Variants in KHDRBS3 observed in about 807,000 individuals in gnomAD.
KHDRBS3 encodes KH RNA binding domain containing, signal transduction associated 3.
Under a neutral mutation model 45.6 loss-of-function variants are expected in KHDRBS3, and 23 were observed. The observed-to-expected ratio is 0.50, with a 90% CI of 0.36 to 0.72. The LOEUF is 0.72. Among genes scored for constraint, KHDRBS3 ranks in the 30% least tolerant of loss-of-function variants. KHDRBS3 has a pLI of 0.00. For missense variants in KHDRBS3, 352 were observed against 424.8 expected (o/e 0.83, Z 1.51); for synonymous variants, 162 against 156.5 (o/e 1.04, Z -0.26).
chr8:135,485,105 GT>G (rs1427255491), intron 1 of KHDRBS3, among the ~76,000 whole-genome samples: 1 of 152,098 alleles, frequency 6.6e-6, no homozygotes, highest in African/African-American at 2.4e-5. Context: ...ACTCAGTTCA[GT>G]TTTCTTCAGT....
chr8:135,603,521 G>C (rs1586789286), intron 6 of KHDRBS3, among the ~76,000 whole-genome samples: 1 of 152,144 alleles, frequency 6.6e-6, no homozygotes, highest in African/African-American at 2.4e-5. Context: ...ACTGTGGCTT[G>C]CAAATTGTGT....
chr8:135,461,727 A>G (rs1421992826), intron 1 of KHDRBS3, among the ~76,000 whole-genome samples: 1 of 152,224 alleles, frequency 6.6e-6, no homozygotes, highest in Non-Finnish European at 1.5e-5. Flanking sequence ...AGATTACATA[A>G]CACTGTATTT....
downstream of KHDRBS3, among the ~76,000 whole-genome samples, chr8:135,651,301 TTA>T (rs199522396): frequency 6.0e-5 from 9 of 149,414 alleles, 1 homozygote; most frequent in South Asian, 4.2e-4. Context: ...ATATATATAT[TTA>T]TATATATATA....
intron 1 of KHDRBS3, among the ~76,000 whole-genome samples, chr8:135,517,229 G>T (rs147252397): frequency 1.1e-3 from 161 of 152,294 alleles, no homozygotes; most frequent in African/African-American, 3.2e-3. Context: ...CTAGGAGATG[G>T]TATTGGTACC....
At chr8:135,494,273 ATTTTTTTTTTTT>A in intron 1 of KHDRBS3, among the ~76,000 whole-genome samples, 1 of 78,622 alleles carries the variant, frequency 1.3e-5, no homozygotes, top group Non-Finnish European at 2.2e-5. Flanking sequence ...TGTTTCTCTT[ATTTTTTTTTTTT>A]TTTTTTTTTT....
chr8:135,458,269 T>C (rs1821221781), intron 1 of KHDRBS3: 4 of 976,472 alleles, frequency 4.1e-6, no homozygotes, highest in Admixed American at 4.7e-5. Flanking sequence ...GGGGGCTTCG[T>C]TGGGAACGAG....
chr8:135,584,704 G>A (rs1828380449), intron 6 of KHDRBS3, among the ~76,000 whole-genome samples: 1 of 152,126 alleles, frequency 6.6e-6, no homozygotes, highest in African/African-American at 2.4e-5. Context: ...GCTTACAGTG[G>A]CTTGCCATCA....
At chr8:135,480,619 A>G (rs1033201160) in intron 1 of KHDRBS3, among the ~76,000 whole-genome samples, 2 of 152,148 alleles carry the variant, frequency 1.3e-5, no homozygotes, top group East Asian at 3.9e-4. Flanking sequence ...AATGCTTATT[A>G]TAGAAAAAAA....
intron 1 of KHDRBS3, among the ~76,000 whole-genome samples, chr8:135,478,506 C>G (rs1284568321): frequency 6.6e-6 from 1 of 152,150 alleles, no homozygotes; most frequent in East Asian, 1.9e-4. Context: ...GAATCTGCCC[C>G]CTGGTAACCA....
intron 6 of KHDRBS3, among the ~76,000 whole-genome samples, chr8:135,591,802 G>A (rs1026089040): frequency 1.3e-5 from 2 of 152,156 alleles, no homozygotes; most frequent in East Asian, 1.9e-4. Flanking sequence ...AGCTTTAATT[G>A]TGACTAGTTT....
chr8:135,644,466 C>A (rs1214108665), intron 7 of KHDRBS3, among the ~76,000 whole-genome samples: 1 of 152,168 alleles, frequency 6.6e-6, no homozygotes, highest in African/African-American at 2.4e-5. Context: ...GATGGTGATG[C>A]AACAGTGCCG....
intron 1 of KHDRBS3, among the ~76,000 whole-genome samples, chr8:135,475,604 A>G (rs1205163416): frequency 1.3e-5 from 2 of 152,006 alleles, no homozygotes; most frequent in Non-Finnish European, 1.5e-5. Context: ...GGGGGCCACC[A>G]CATCTGGCCT....
rs1264711912 is a variant in KHDRBS3 at position 135,457,519 on chromosome 8, G to C, written c.-348G>C. The C allele has an allele frequency of 6.8e-6, 1 of 147,010 alleles. No individual in the cohort carries two copies. Among genetic ancestry groups the C allele is most frequent in the Non-Finnish European group, 1.5e-5 (1 of 66,110 alleles). 9.1% of individuals were successfully genotyped at this position (147,010 alleles called of 1,614,324 possible). On this transcript the variant is annotated 5_prime_UTR_variant, in exon 1 of 9. Coordinates refer to ENST00000355849, the MANE Select transcript of KHDRBS3 (RefSeq NM_006558.3). The surrounding 1 kb of genome is among the most constrained non-coding windows in gnomAD (Gnocchi z 4.4). ...TGTGGCTCGGGTGCTGGCAGGTGCT[G>C]GCGGGACTGGCGGGGATCGCCGTGG...
At chr8:135,589,331 G>A (rs1347785723) in intron 6 of KHDRBS3, among the ~76,000 whole-genome samples, 1 of 152,102 alleles carries the variant, frequency 6.6e-6, no homozygotes, top group Non-Finnish European at 1.5e-5. Flanking sequence ...CCATAAGGAA[G>A]AGAGCTAGTT....
intron 7 of KHDRBS3, among the ~76,000 whole-genome samples, chr8:135,624,351 C>T (rs545873206): frequency 3.3e-5 from 5 of 152,306 alleles, no homozygotes; most frequent in African/African-American, 1.2e-4. Flanking sequence ...ATAAAATCCC[C>T]ATTCAAATCC....
chr8:135,586,260 C>A (rs1301415414), intron 6 of KHDRBS3, among the ~76,000 whole-genome samples: 1 of 151,882 alleles, frequency 6.6e-6, no homozygotes, highest in African/African-American at 2.4e-5. Flanking sequence ...AAAGAAGGAG[C>A]AGATTCAGGA....
intron 2 of KHDRBS3, among the ~76,000 whole-genome samples, chr8:135,527,130 C>T (rs1260045561): frequency 6.6e-6 from 1 of 152,094 alleles, no homozygotes; most frequent in Non-Finnish European, 1.5e-5. Context: ...TCTGTCTATA[C>T]CTAGCATTTA....
intron 4 of KHDRBS3, chr8:135,549,925 C>G (rs1826502412): frequency 6.6e-6 from 1 of 152,142 alleles, no homozygotes; most frequent in Non-Finnish European, 1.5e-5. Flanking sequence ...CTAGTATTTT[C>G]TTTAGTTCCC....
At chr8:135,641,165 C>T (rs897546172) in intron 7 of KHDRBS3, among the ~76,000 whole-genome samples, 1 of 152,160 alleles carries the variant, frequency 6.6e-6, no homozygotes, top group South Asian at 2.1e-4. Flanking sequence ...AAAAAACATT[C>T]TTTACCCTCA....
Sources: allele counts gnomAD v4.1 joint callset (sites outside exome capture counted in the v4.1 genomes callset), GRCh38; gene constraint gnomAD v4.1.1; non-coding constraint Gnocchi (gnomAD v3.1); transcripts MANE v1.5; gene names NCBI Gene and HGNC (gene_info 2026-07-23, HGNC 2026-07-21).